The following SUPT3H variants were observed in gnomAD, a reference collection of about 807,000 sequenced individuals.
SUPT3H encodes the protein transcription initiation protein SPT3 homolog.
In SUPT3H, 44 loss-of-function variants were observed where a neutral mutation model predicts 44.3. That is an observed-to-expected ratio of 0.99 (90% CI 0.78 to 1.28). The LOEUF is 1.28. Among genes scored for constraint, SUPT3H ranks in the 50% most tolerant of loss-of-function variants. The probability of loss-of-function intolerance (pLI) is 0.00; values close to 1 mark genes in which losing one functional copy is unlikely to be tolerated. For missense variants in SUPT3H, 380 were observed against 387.1 expected, an observed-to-expected ratio of 0.98 and a Z score of 0.15; for synonymous variants, 124 against 125.6, an observed-to-expected ratio of 0.99 and a Z score of 0.09.
At chr6:45,158,097 CTAATATATATT>C (rs1471894077) in intron 2 of SUPT3H, among the ~76,000 whole-genome samples, 2 of 144,482 alleles carry the variant, frequency 1.4e-5, no homozygotes, top group Non-Finnish European at 3.0e-5. Flanking sequence ...TATTTATATA[CTAATATATATT>C]ATATAATTAT....
chr6:45,338,115 G>T (rs902743212), intron 2 of SUPT3H, among the ~76,000 whole-genome samples: 7 of 151,960 alleles, frequency 4.6e-5, no homozygotes, highest in African/African-American at 1.7e-4. Flanking sequence ...ATAAAGTTCT[G>T]TGTAGCCTAT....
At chr6:44,903,340 A>G (rs1430662664) in intron 10 of SUPT3H, among the ~76,000 whole-genome samples, 4 of 152,198 alleles carry the variant, frequency 2.6e-5, no homozygotes, top group Non-Finnish European at 5.9e-5. Flanking sequence ...AAAAAATGAT[A>G]AAGGGGATAT....
chr6:45,231,706 T>G lies in SUPT3H; in HGVS notation c.102-125700A>C, dbSNP rs566918319. On this transcript the variant is annotated intron_variant, in intron 2 of 10. Transcript: ENST00000371459. ...GTTTCCGAACCCCTTCATTCTCTCC[T>G]CAACCTTCAGGGATACTAATAACTC... 2.1e-4 allele frequency among the ~76,000 whole-genome samples: 32 copies of G among 152,328 alleles called. No homozygotes were observed. The South Asian group carries it at 5.2e-3, about 25-fold the overall frequency.
chr6:45,120,057 T>C (rs747859544), intron 2 of SUPT3H, among the ~76,000 whole-genome samples: 21 of 152,046 alleles, frequency 1.4e-4, no homozygotes, highest in Non-Finnish European at 2.6e-4. Context: ...GTACTATTAC[T>C]ATTGCTACTT....
intron 2 of SUPT3H, among the ~76,000 whole-genome samples, chr6:45,305,763 C>G (rs1159320812): frequency 6.6e-6 from 1 of 152,178 alleles, no homozygotes; most frequent in Non-Finnish European, 1.5e-5. Context: ...CTGCCCCAAC[C>G]CCAGAACTGC....
At chr6:45,271,607 G>A (rs573618094) in intron 2 of SUPT3H, among the ~76,000 whole-genome samples, 1 of 152,174 alleles carries the variant, frequency 6.6e-6, no homozygotes, top group Non-Finnish European at 1.5e-5. Context: ...AGTAGGGGCA[G>A]GGCCCTCATG....
At chr6:44,915,126 G>C (rs1315471636) in intron 10 of SUPT3H, among the ~76,000 whole-genome samples, 1 of 152,174 alleles carries the variant, frequency 6.6e-6, no homozygotes, top group Non-Finnish European at 1.5e-5. Context: ...AAAGTAAAGA[G>C]AGTGGCAAAA....
At chr6:44,921,736 A>AATGT (rs1282926236) in intron 10 of SUPT3H, among the ~76,000 whole-genome samples, 1 of 152,214 alleles carries the variant, frequency 6.6e-6, no homozygotes, top group African/African-American at 2.4e-5. Flanking sequence ...CAGAGCCAGA[A>AATGT]ATGTAGTCTC....
intron 3 of SUPT3H, among the ~76,000 whole-genome samples, chr6:45,055,459 G>C (rs1417205775): frequency 6.6e-6 from 1 of 152,068 alleles, no homozygotes; most frequent in Non-Finnish European, 1.5e-5. Context: ...AAACAGCAGG[G>C]TACTGGTATA....
chr6:44,970,159 G>C (rs1217500572), intron 6 of SUPT3H, among the ~76,000 whole-genome samples: 4 of 151,504 alleles, frequency 2.6e-5, no homozygotes, highest in Non-Finnish European at 4.4e-5. Context: ...ATCAAGAGTG[G>C]GCATTAATTG....
intron 2 of SUPT3H, among the ~76,000 whole-genome samples, chr6:45,308,528 C>T (rs7381992): frequency 0.15 from 22,740 of 151,970 alleles, 1,921 homozygotes; most frequent in East Asian, 0.26. Context: ...TAAAATACTT[C>T]ACAGAGAAGC....
rs192654582 is a variant in SUPT3H, at chr6:45,109,063, A to G, written c.102-3057T>C. ...TAAATATAAATTGGTTCTAAACATT[A>G]TATGAGATGGTAAAGAGACAGGAAT... On this transcript the variant is annotated intron_variant, in intron 2 of 10. Transcript: ENST00000371459. Among the ~76,000 whole-genome samples, 4 of 152,300 alleles carry G rather than the reference A, an allele frequency of 2.6e-5. No individual in the cohort carries two copies. The East Asian group carries it at 7.7e-4, about 29-fold the overall frequency.
At chr6:45,232,497 AG>A (rs1438862069) in intron 2 of SUPT3H, among the ~76,000 whole-genome samples, 1 of 152,084 alleles carries the variant, frequency 6.6e-6, no homozygotes, top group African/African-American at 2.4e-5. Flanking sequence ...CATTGGTATG[AG>A]GGTATTACTG....
At chr6:45,133,920 T>A (rs532899361) in intron 2 of SUPT3H, among the ~76,000 whole-genome samples, 1 of 152,150 alleles carries the variant, frequency 6.6e-6, no homozygotes, top group African/African-American at 2.4e-5. Context: ...AACTGAAGAT[T>A]TGGATCCCTG....
chr6:45,260,227 C>T (rs936234875), intron 2 of SUPT3H, among the ~76,000 whole-genome samples: 13 of 152,274 alleles, frequency 8.5e-5, no homozygotes, highest in Middle Eastern at 6.8e-3. Flanking sequence ...AAACTACATT[C>T]TACGCAGGGA....
chr6:45,261,845 A>G lies in SUPT3H; in HGVS notation c.101+103356T>C, dbSNP rs1774416465. Among the ~76,000 whole-genome samples the G allele has an allele frequency of 1.3e-5, 2 of 152,136 alleles. 1 individual carries two copies. The highest frequency in any genetic ancestry group is 4.1e-4 in the South Asian group (2 of 4,832). ...CCTAGAAAATCTCAGATTCTGCTAAAAGGCTCCTAGAACTGGTAAACAGGG... is the reference window on the plus strand; with the variant it reads ...CCTAGAAAATCTCAGATTCTGCTAAGAGGCTCCTAGAACTGGTAAACAGGG... On this transcript the variant is annotated intron_variant, in intron 2 of 10. Transcript: ENST00000371459.
chr6:45,369,189 T>G (rs1795635519), intron 1 of SUPT3H, among the ~76,000 whole-genome samples: 1 of 152,054 alleles, frequency 6.6e-6, no homozygotes, highest in African/African-American at 2.4e-5. Flanking sequence ...CAGCCTCCTT[T>G]TCTACCACAG....
At chr6:44,830,450 G>C (rs765859966) in intron 10 of SUPT3H, among the ~76,000 whole-genome samples, 2 of 152,138 alleles carry the variant, frequency 1.3e-5, no homozygotes, top group Non-Finnish European at 2.9e-5. Flanking sequence ...TGTACACATG[G>C]ATATGCATGG....
intron 3 of SUPT3H, among the ~76,000 whole-genome samples, chr6:45,056,852 T>G (rs753489489): frequency 7.2e-4 from 109 of 151,784 alleles, no homozygotes; most frequent in Middle Eastern, 3.4e-3. Context: ...CCAATTGAAA[T>G]TAAAAAAAAG....
Sources: allele counts gnomAD v4.1 joint callset (sites outside exome capture counted in the v4.1 genomes callset), GRCh38; gene constraint gnomAD v4.1.1; transcripts MANE v1.5; gene names NCBI Gene and HGNC (gene_info 2026-07-23, HGNC 2026-07-21).